Variants in GRM5 observed in about 807,000 individuals in gnomAD.
The protein encoded by GRM5 is metabotropic glutamate receptor 5.
A neutral mutation model predicts 83.1 loss-of-function variants in GRM5; 19 were observed. The ratio of observed to expected loss-of-function variants is 0.23; its 90% CI spans 0.16 to 0.34. The LOEUF (loss-of-function observed/expected upper bound fraction) is 0.34. GRM5 is among the 10% of genes least tolerant of loss of function. The probability of loss-of-function intolerance (pLI) is 1.00; values close to 1 mark genes in which losing one functional copy is unlikely to be tolerated. For synonymous variants in GRM5, 675 were observed against 633.6 expected (o/e 1.07, Z -0.98); for missense variants, 1,160 against 1,588.3 (o/e 0.73, Z 4.58).
chr11:89,021,276 A>T (rs1273738801), intron 2 of GRM5, among the ~76,000 whole-genome samples: 1 of 152,292 alleles, frequency 6.6e-6, no homozygotes, highest in African/African-American at 2.4e-5. Flanking sequence ...AGGAAGAAAT[A>T]AAAAAGAAAA....
intron 3 of GRM5, among the ~76,000 whole-genome samples, chr11:88,662,273 G>A (rs961558216): frequency 6.6e-6 from 1 of 152,112 alleles, no homozygotes; most frequent in African/African-American, 2.4e-5. Context: ...ATGTAGAGGG[G>A]ATATAAACTC....
intron 3 of GRM5, among the ~76,000 whole-genome samples, chr11:88,820,422 T>C (rs1028362475): frequency 6.7e-6 from 1 of 149,016 alleles, no homozygotes; most frequent in Non-Finnish European, 1.5e-5. Context: ...ATCAGTAATA[T>C]TATTTTTCCA....
At chr11:88,664,579 A>G (rs117847565) in intron 3 of GRM5, among the ~76,000 whole-genome samples, 3,159 of 151,922 alleles carry the variant, frequency 0.021, 87 homozygotes, top group East Asian at 0.12. Context: ...CCTCAGTAGC[A>G]GGGACTACGG....
At chr11:88,990,945 A>C (rs1476414150) in intron 2 of GRM5, among the ~76,000 whole-genome samples, 2 of 152,216 alleles carry the variant, frequency 1.3e-5, no homozygotes, top group Non-Finnish European at 2.9e-5. Flanking sequence ...CCCTTTGAAA[A>C]CTGGCACAAG....
intron 3 of GRM5, among the ~76,000 whole-genome samples, chr11:88,777,501 T>G (rs1256070603): frequency 2.0e-5 from 3 of 152,346 alleles, no homozygotes; most frequent in Middle Eastern, 3.4e-3. Context: ...CTGCAATCCT[T>G]TGGAGAAGGG....
intron 3 of GRM5, among the ~76,000 whole-genome samples, chr11:88,752,304 C>A (rs1188168819): frequency 6.6e-6 from 1 of 151,956 alleles, no homozygotes; most frequent in East Asian, 1.9e-4. Context: ...TCATATATAC[C>A]AACAACAGGC....
At chr11:88,729,229 T>G (rs1448988348) in intron 3 of GRM5, among the ~76,000 whole-genome samples, 2 of 151,766 alleles carry the variant, frequency 1.3e-5, no homozygotes, top group Non-Finnish European at 2.9e-5. Context: ...CTATACACCA[T>G]GAACAGACAA....
At chr11:88,835,174 T>G (rs1421015023) in intron 3 of GRM5, among the ~76,000 whole-genome samples, 2 of 152,068 alleles carry the variant, frequency 1.3e-5, no homozygotes, top group Non-Finnish European at 2.9e-5. Flanking sequence ...CTTACTGGAG[T>G]TCAGGATATC....
chr11:89,005,549 C>A (rs1357341096), intron 2 of GRM5, among the ~76,000 whole-genome samples: 1 of 152,146 alleles, frequency 6.6e-6, no homozygotes, highest in African/African-American at 2.4e-5. Context: ...ATTCAGAATG[C>A]CTTTAATGTT....
chr11:88,563,495 C>T lies in GRM5; in HGVS notation c.2630+3558G>A, dbSNP rs557493208. Among the ~76,000 whole-genome samples the T allele has an allele frequency of 2.6e-5, 4 of 152,276 alleles. No individual in the cohort carries two copies. In the East Asian group the frequency reaches 7.7e-4, roughly 29 times the overall value. ...TTCCATGTGGAAGGGACACACACGA[C>T]CCCATCCAGAAACAGAGGGCATACC... On this transcript the variant is annotated intron_variant, in intron 8 of 9. Transcript: ENST00000305447.
intron 2 of GRM5, among the ~76,000 whole-genome samples, chr11:88,967,301 C>A (rs1406097965): frequency 6.8e-6 from 1 of 147,328 alleles, no homozygotes; most frequent in Non-Finnish European, 1.5e-5. Context: ...AGTATTTCAT[C>A]TATTAAAGAT....
At chr11:88,527,345 A>G (rs1469325046) in intron 8 of GRM5, among the ~76,000 whole-genome samples, 3 of 152,142 alleles carry the variant, frequency 2.0e-5, no homozygotes, top group Admixed American at 2.0e-4. Context: ...CATGCTTATA[A>G]GCTCTTCTCT....
intron 2 of GRM5, among the ~76,000 whole-genome samples, chr11:88,863,215 G>A (rs1267277863): frequency 2.0e-5 from 3 of 152,094 alleles, no homozygotes; most frequent in African/African-American, 7.2e-5. Context: ...ATTCCTCAAA[G>A]GTCTAGAGTC....
chr11:88,655,905 G>C (rs1377685601), intron 3 of GRM5, among the ~76,000 whole-genome samples: 1 of 151,966 alleles, frequency 6.6e-6, no homozygotes, highest in Non-Finnish European at 1.5e-5. Flanking sequence ...GATAATATCT[G>C]CTATGTTAAT....
intron 3 of GRM5, among the ~76,000 whole-genome samples, chr11:88,707,260 A>T (rs1941183532): frequency 6.6e-6 from 1 of 151,840 alleles, no homozygotes; most frequent in Non-Finnish European, 1.5e-5. Context: ...TTTGTGCATT[A>T]AGTTAATATC....
intron 3 of GRM5, among the ~76,000 whole-genome samples, chr11:88,792,847 G>A (rs1328049517): frequency 1.3e-5 from 2 of 151,932 alleles, no homozygotes; most frequent in Non-Finnish European, 2.9e-5. Flanking sequence ...TAGAATATGT[G>A]CAAGTATTAT....
chr11:88,583,253 C>T (rs1398933925), intron 7 of GRM5, among the ~76,000 whole-genome samples: 1 of 152,146 alleles, frequency 6.6e-6, no homozygotes, highest in Non-Finnish European at 1.5e-5. Flanking sequence ...TCATCCTCTG[C>T]TCCCTCCTTG....
chr11:88,915,369 T>A (rs1210783981), intron 2 of GRM5, among the ~76,000 whole-genome samples: 2 of 152,092 alleles, frequency 1.3e-5, no homozygotes, highest in Non-Finnish European at 2.9e-5. Context: ...ATGTGCGGCA[T>A]AAGTTTGATT....
chr11:88,980,090 G>A (rs36076330), intron 2 of GRM5, among the ~76,000 whole-genome samples: 12 of 152,248 alleles, frequency 7.9e-5, no homozygotes, highest in African/African-American at 1.4e-4. Context: ...CTTAGTGTGC[G>A]GAGGTTGGAT....
Sources: gnomAD v4.1 joint callset for allele counts (sites outside exome capture counted in the v4.1 genomes callset) on GRCh38, gnomAD v4.1.1 for gene constraint, MANE v1.5 for transcripts, NCBI Gene and HGNC (gene_info 2026-07-23, HGNC 2026-07-21) for gene names.